Variants in PTPRN2 observed in about 807,000 individuals in gnomAD.
PTPRN2 encodes the protein protein tyrosine phosphatase receptor type N2, also known as receptor-type tyrosine-protein phosphatase N2.
Under a neutral mutation model 118.8 loss-of-function variants are expected in PTPRN2, and 74 were observed. That is an observed-to-expected ratio of 0.62 (90% CI 0.52 to 0.76). The LOEUF (loss-of-function observed/expected upper bound fraction) is 0.76, where lower values mean the gene tolerates loss of function less well. PTPRN2 is among the 30% of genes least tolerant of loss of function. The pLI is 0.00. For missense variants in PTPRN2, 1,481 were observed against 1,394.4 expected (o/e 1.06, Z -0.99); for synonymous variants, 641 against 608.0 (o/e 1.05, Z -0.80).
chr7:158,249,665 T>A (rs1796537336), intron 3 of PTPRN2, among the ~76,000 whole-genome samples: 1 of 152,204 alleles, frequency 6.6e-6, no homozygotes, highest in East Asian at 1.9e-4. Flanking sequence ...GCCAATAAAA[T>A]GTGGAAGAGG....
At chr7:158,069,890 C>G (rs1811072717) in intron 11 of PTPRN2, among the ~76,000 whole-genome samples, 1 of 152,190 alleles carries the variant, frequency 6.6e-6, no homozygotes, top group Non-Finnish European at 1.5e-5. Context: ...CTGAATGCAG[C>G]CTCGCGGAGT....
intron 13 of PTPRN2, among the ~76,000 whole-genome samples, chr7:157,680,892 G>A (rs1381766561): frequency 2.0e-5 from 3 of 152,090 alleles, no homozygotes; most frequent in South Asian, 2.1e-4. Flanking sequence ...TAAACAAACC[G>A]GAGCTCATTA....
At chr7:158,016,860 C>G (rs1207881283) in intron 11 of PTPRN2, among the ~76,000 whole-genome samples, 1 of 152,180 alleles carries the variant, frequency 6.6e-6, no homozygotes, top group African/African-American at 2.4e-5. Flanking sequence ...ATTGCATTTT[C>G]AGAGACATAG....
In PTPRN2 at chr7:157,900,166, G is replaced by A. The variant is rs77667698; in HGVS notation, c.1724-1429C>T. 7.2e-3 allele frequency among the ~76,000 whole-genome samples: 1,092 copies of A among 152,308 alleles called. 49 individuals are homozygous for A. The highest frequency in any genetic ancestry group is 0.061 in the Admixed American group (931 of 15,292). The stretch of plus-strand genomic sequence containing the variant: ...AGTAATGAGAAAAATCCAATCTGCC[G>A]GGGAGCGCCCTTTTCCTGTGAAGGG... On this transcript the variant is annotated intron_variant, in intron 11 of 22. Transcript: ENST00000389418.
chr7:158,354,871 T>C (rs1808267882), intron 2 of PTPRN2, among the ~76,000 whole-genome samples: 1 of 152,160 alleles, frequency 6.6e-6, no homozygotes, highest in South Asian at 2.1e-4. Context: ...CCTCAGGCTT[T>C]TAATAATTAA....
At chr7:157,710,483 A>ACC (rs147103515) in intron 12 of PTPRN2, among the ~76,000 whole-genome samples, 8 of 54,072 alleles carry the variant, frequency 1.5e-4, no homozygotes, top group African/African-American at 3.6e-4. Flanking sequence ...AACCGCCCCC[A>ACC]CCCCCCCGCC....
intron 3 of PTPRN2, among the ~76,000 whole-genome samples, chr7:158,300,230 C>A (rs1028019002): frequency 8.5e-5 from 13 of 152,114 alleles, no homozygotes; most frequent in Non-Finnish European, 1.3e-4. Flanking sequence ...GAGGGATGGG[C>A]CCACTGTGGC....
chr7:157,997,456 T>C (rs952042226), intron 11 of PTPRN2, among the ~76,000 whole-genome samples: 1 of 152,160 alleles, frequency 6.6e-6, no homozygotes, highest in South Asian at 2.1e-4. Flanking sequence ...GAGCCCAGGT[T>C]CCTCCCACAC....
intron 14 of PTPRN2, among the ~76,000 whole-genome samples, chr7:157,649,991 G>T (rs1270003726): frequency 4.0e-5 from 6 of 151,766 alleles, no homozygotes; most frequent in Non-Finnish European, 2.9e-5. Flanking sequence ...AACTCGGTGG[G>T]TCGGACCCAT....
At chr7:158,452,343 T>C (rs1316129890) in intron 2 of PTPRN2, among the ~76,000 whole-genome samples, 2 of 152,260 alleles carry the variant, frequency 1.3e-5, no homozygotes, top group Non-Finnish European at 2.9e-5. Context: ...CAGAGAGAAT[T>C]CATATCCTTA....
intron 13 of PTPRN2, among the ~76,000 whole-genome samples, chr7:157,661,843 G>A (rs950654342): frequency 6.6e-6 from 1 of 152,198 alleles, no homozygotes; most frequent in African/African-American, 2.4e-5. Flanking sequence ...CACATCACCA[G>A]CGCAGGCTTT....
intron 11 of PTPRN2, among the ~76,000 whole-genome samples, chr7:158,068,848 C>T (rs1810986995): frequency 6.6e-6 from 1 of 152,306 alleles, no homozygotes; most frequent in East Asian, 1.9e-4. Context: ...TCATGGATTA[C>T]AACTGTAATA....
chr7:158,180,778 G>T (rs901480589), intron 5 of PTPRN2, among the ~76,000 whole-genome samples: 2 of 152,146 alleles, frequency 1.3e-5, no homozygotes, highest in Non-Finnish European at 2.9e-5. Flanking sequence ...CTACTGATTT[G>T]TGTACATTGA....
intron 12 of PTPRN2, among the ~76,000 whole-genome samples, chr7:157,814,344 C>T (rs1806250972): frequency 6.6e-6 from 1 of 152,124 alleles, no homozygotes; most frequent in African/African-American, 2.4e-5. Flanking sequence ...CACGGTGCCG[C>T]CTGACAGCAA....
chr7:158,103,729 T>C (rs766224062), intron 10 of PTPRN2, among the ~76,000 whole-genome samples: 3 of 152,194 alleles, frequency 2.0e-5, no homozygotes, highest in Non-Finnish European at 4.4e-5. Flanking sequence ...CCCCACTTGA[T>C]GTGATGGACA....
chr7:158,007,016 G>C (rs761775644), intron 11 of PTPRN2, among the ~76,000 whole-genome samples: 13 of 152,266 alleles, frequency 8.5e-5, no homozygotes, highest in Non-Finnish European at 1.5e-4. Flanking sequence ...TGAAGTCTGA[G>C]GTCCGGGCTT....
chr7:158,408,292 C>T (rs1248233436), intron 2 of PTPRN2, among the ~76,000 whole-genome samples: 1 of 152,214 alleles, frequency 6.6e-6, no homozygotes, highest in Non-Finnish European at 1.5e-5. Flanking sequence ...AAGAACACCA[C>T]TATGCATATT....
chr7:158,537,624 G>A (rs1262229134), intron 1 of PTPRN2: 1 of 152,516 alleles, frequency 6.6e-6, no homozygotes, highest in African/African-American at 2.4e-5. Flanking sequence ...GGTGAGTCAG[G>A]ACAGAGGTCA....
At chr7:158,541,247 T>G (rs1260958791) in intron 1 of PTPRN2, among the ~76,000 whole-genome samples, 4 of 152,246 alleles carry the variant, frequency 2.6e-5, no homozygotes, top group Non-Finnish European at 4.4e-5. Context: ...TCAAATTCTT[T>G]GGTTTCTCTA....
Sources: allele counts gnomAD v4.1 joint callset (sites outside exome capture counted in the v4.1 genomes callset), GRCh38; gene constraint gnomAD v4.1.1; transcripts MANE v1.5; gene names NCBI Gene and HGNC (gene_info 2026-07-23, HGNC 2026-07-21).